Variants in ARL15 observed in about 807,000 individuals in gnomAD.
ARL15 encodes the protein ARF like GTPase 15, also known as ADP-ribosylation factor-like protein 15.
ARL15 carries 19 observed loss-of-function variants against 25.2 expected under a neutral mutation model. That is an observed-to-expected ratio of 0.75 (90% CI 0.53 to 1.10). The LOEUF is 1.10. Ranked by LOEUF, ARL15 falls within the 50% of genes least tolerant of loss-of-function variation. The pLI, the probability that ARL15 is intolerant of heterozygous loss-of-function variation, is 0.00. For missense variants in ARL15, 220 were observed against 246.0 expected, an observed-to-expected ratio of 0.89 and a Z score of 0.71; for synonymous variants, 94 against 86.8, an observed-to-expected ratio of 1.08 and a Z score of -0.46.
chr5:53,993,046 C>CAA (rs111255688), intron 4 of ARL15, among the ~76,000 whole-genome samples: 30,850 of 137,372 alleles, frequency 0.22, 3,382 homozygotes, highest in East Asian at 0.45. Context: ...AACTCCTTCT[C>CAA]AAAAAAAAAA....
intron 1 of ARL15, among the ~76,000 whole-genome samples, chr5:54,198,173 AC>A: frequency 6.6e-6 from 1 of 152,288 alleles, no homozygotes; most frequent in Middle Eastern, 3.4e-3. Flanking sequence ...TCTATGACAA[AC>A]CCACAGCCAA....
chr5:54,286,696 G>A (rs920668795), intron 1 of ARL15, among the ~76,000 whole-genome samples: 4 of 152,070 alleles, frequency 2.6e-5, no homozygotes, highest in Admixed American at 6.6e-5. Flanking sequence ...AATAGTTCTC[G>A]TTCTGAAAAT....
At chr5:53,935,513 C>G (rs576108544) in intron 4 of ARL15, among the ~76,000 whole-genome samples, 9 of 152,326 alleles carry the variant, frequency 5.9e-5, no homozygotes, top group African/African-American at 2.2e-4. Flanking sequence ...AGAGAGGCAA[C>G]TGGAAATATC....
chr5:53,929,688 A>C (rs1485366388), intron 4 of ARL15, among the ~76,000 whole-genome samples: 1 of 152,230 alleles, frequency 6.6e-6, no homozygotes, highest in Non-Finnish European at 1.5e-5. Flanking sequence ...GAGCTTGGTC[A>C]TGGGGGACAG....
intron 2 of ARL15, among the ~76,000 whole-genome samples, chr5:54,163,377 T>G (rs1213298169): frequency 7.7e-5 from 10 of 129,280 alleles, no homozygotes; most frequent in African/African-American, 2.3e-4. Context: ...TTTTTTTTTT[T>G]TTTTTTTTTT....
intron 1 of ARL15, among the ~76,000 whole-genome samples, chr5:54,180,901 G>C (rs1019587575): frequency 5.9e-5 from 9 of 152,150 alleles, no homozygotes; most frequent in Non-Finnish European, 1.0e-4. Flanking sequence ...TTTGCAGAGG[G>C]GCAGACATCT....
chr5:54,138,886 T>C (rs1224333797), intron 3 of ARL15, among the ~76,000 whole-genome samples: 3 of 151,966 alleles, frequency 2.0e-5, no homozygotes, highest in Admixed American at 2.0e-4. Context: ...CAAAAGAAGA[T>C]ATACAAATGG....
intron 4 of ARL15, among the ~76,000 whole-genome samples, chr5:53,890,968 C>T (rs531622413): frequency 3.3e-5 from 5 of 152,100 alleles, no homozygotes; most frequent in African/African-American, 7.2e-5. Context: ...GGATCTCTAA[C>T]GGGGCAGTGA....
intron 4 of ARL15, among the ~76,000 whole-genome samples, chr5:54,067,568 A>G (rs1751279455): frequency 6.6e-6 from 1 of 152,232 alleles, no homozygotes. Flanking sequence ...TATTGATGCT[A>G]TAAGGAAGGC....
intron 1 of ARL15, among the ~76,000 whole-genome samples, chr5:54,238,457 A>C (rs568554067): frequency 2.1e-4 from 32 of 152,272 alleles, no homozygotes; most frequent in African/African-American, 7.7e-4. Flanking sequence ...GACTTCTAAA[A>C]CCAGCTCCAA....
chr5:54,146,694 G>T (rs907626175), intron 3 of ARL15, among the ~76,000 whole-genome samples: 1 of 152,120 alleles, frequency 6.6e-6, no homozygotes, highest in African/African-American at 2.4e-5. Context: ...TGACCTGATG[G>T]CCCCTGAAGA....
chr5:54,289,586 T>C (rs917753886), intron 1 of ARL15, among the ~76,000 whole-genome samples: 11 of 152,198 alleles, frequency 7.2e-5, no homozygotes, highest in African/African-American at 2.7e-4. Context: ...CAAATATTTA[T>C]TGAGAAGCAG....
At position 53,886,631 on chromosome 5, in the gene ARL15, G is replaced by A; in HGVS notation, c.545C>T (p.Ala182Val). Reference protein sequence around the residue: ...LQPCSLDDMDALKDSFSQLIN... With the variant: ...LQPCSLDDMDVLKDSFSQLIN... ...CAGCTGAGAGAAGCTGTCTTTCAGT[G>A]CATCCATGTCATCCAGTGAGCAGGG... Residue 182 changes from alanine to valine, a missense_variant, in exon 5 of 5, where the codon GCA becomes GTA. Physicochemically the swap from Ala to Val is moderately conservative, Grantham distance 64. Coordinates refer to ENST00000504924, the MANE Select transcript of ARL15 (RefSeq NM_019087.3). 6.4e-7 allele frequency: 1 copy of A among 1,571,246 alleles called. No homozygotes were observed. Among genetic ancestry groups the A allele is most frequent in the Non-Finnish European group, 8.6e-7 (1 of 1,156,532 alleles).
chr5:54,231,182 T>TG (rs1756661406), intron 1 of ARL15, among the ~76,000 whole-genome samples: 1 of 152,222 alleles, frequency 6.6e-6, no homozygotes, highest in African/African-American at 2.4e-5. Flanking sequence ...CCTCTCAACT[T>TG]GCTGCTCTGC....
chr5:54,177,512 C>G (rs1162374397), intron 1 of ARL15, among the ~76,000 whole-genome samples: 1 of 152,164 alleles, frequency 6.6e-6, no homozygotes, highest in East Asian at 1.9e-4. Context: ...AGCACCAAGG[C>G]AGCAAGATTA....
At chr5:54,169,744 G>A (rs971769272) in intron 2 of ARL15, among the ~76,000 whole-genome samples, 5 of 152,174 alleles carry the variant, frequency 3.3e-5, no homozygotes, top group African/African-American at 1.2e-4. Flanking sequence ...AGTGCTACAG[G>A]CACTAACTGG....
intron 2 of ARL15, among the ~76,000 whole-genome samples, chr5:54,171,034 T>C (rs1754702590): frequency 6.6e-6 from 1 of 152,172 alleles, no homozygotes; most frequent in African/African-American, 2.4e-5. Context: ...CCTTCTTCAT[T>C]GTCAGAAGAG....
intron 1 of ARL15, among the ~76,000 whole-genome samples, chr5:54,175,011 C>T (rs1204708612): frequency 6.6e-6 from 1 of 152,232 alleles, no homozygotes; most frequent in Non-Finnish European, 1.5e-5. Context: ...TTCCTCTGGA[C>T]TATCTCCTGG....
chr5:54,127,209 T>C (rs1323259613), intron 3 of ARL15, among the ~76,000 whole-genome samples: 1 of 152,218 alleles, frequency 6.6e-6, no homozygotes, highest in Non-Finnish European at 1.5e-5. Flanking sequence ...TACCATGGTG[T>C]ATATGTGCCA....
Sources: allele counts gnomAD v4.1 joint callset (sites outside exome capture counted in the v4.1 genomes callset), GRCh38; gene constraint gnomAD v4.1.1; transcripts MANE v1.5; gene names NCBI Gene and HGNC (gene_info 2026-07-23, HGNC 2026-07-21).